ARID1B: variants seen among roughly 807,000 people sequenced by gnomAD.
ARID1B encodes AT-rich interactive domain-containing protein 1B.
ARID1B carries 30 observed loss-of-function variants against 212.3 expected under a neutral mutation model. The observed-to-expected ratio is 0.14, with a 90% CI of 0.11 to 0.19. ARID1B has a LOEUF of 0.19. ARID1B is among the 10% of genes least tolerant of loss of function. ARID1B has a pLI of 1.00. For synonymous variants in ARID1B, 1,402 were observed against 1,301.7 expected (o/e 1.08, Z -1.66); for missense variants, 2,891 against 3,204.0 (o/e 0.90, Z 2.36).
chr6:156,927,178 C>G (rs1791294091), intron 3 of ARID1B, among the ~76,000 whole-genome samples: 1 of 152,162 alleles, frequency 6.6e-6, no homozygotes, highest in Non-Finnish European at 1.5e-5. Flanking sequence ...TAGTTTGAAT[C>G]AGGATCCAAA....
intron 2 of ARID1B, among the ~76,000 whole-genome samples, chr6:156,861,206 T>C (rs1785310816): frequency 6.6e-6 from 1 of 152,184 alleles, no homozygotes; most frequent in Non-Finnish European, 1.5e-5. Context: ...ACAGGCATGT[T>C]CTTGACAGGG....
chr6:157,155,816 G>T (rs146992953), intron 8 of ARID1B, among the ~76,000 whole-genome samples: 4,299 of 152,206 alleles, frequency 0.028, 81 homozygotes, highest in Admixed American at 0.038. Flanking sequence ...GCCTTCCTCT[G>T]CTTGGAAGAA....
rs2128462878 is a variant in ARID1B, at chr6:157,084,803, C to T, written c.2389C>T (p.His797Tyr). ...GCCTTTCTCCCCACATGCGTCCCCT[C>T]ATCTCTCCAGCATCCCGGGGGGCCC... is the stretch of plus-strand genomic sequence containing the variant. ...QSPFSPHASP[H>Y]LSSIPGGPSP... Residue 797 changes from histidine (H) to tyrosine (Y), a missense_variant, in exon 5 of 20, where the codon CAT (histidine) becomes TAT (tyrosine). By Grantham distance (83) the His-to-Tyr change is moderately conservative (BLOSUM62 2). Transcript: ENST00000636930. 1 of 1,614,148 alleles carries T rather than the reference C, an allele frequency of 6.2e-7. No individual in the cohort carries two copies. The highest frequency in any genetic ancestry group is 1.1e-5 in the South Asian group (1 of 91,072).
At chr6:156,834,960 C>T (rs930156042) in intron 2 of ARID1B, among the ~76,000 whole-genome samples, 3 of 152,120 alleles carry the variant, frequency 2.0e-5, no homozygotes, top group Admixed American at 6.5e-5. Context: ...TTGGGCCGGG[C>T]GCGGTGGCTC....
rs371108171 is a variant in ARID1B, at chr6:156,880,536, C to T, written c.1987-20840C>T. Among the ~76,000 whole-genome samples the T allele has an allele frequency of 4.7e-4, 71 of 151,986 alleles. No individual in the cohort carries two copies. The South Asian group carries it at 9.8e-3, about 21-fold the overall frequency. On this transcript the variant is annotated intron_variant, in intron 2 of 19. Coordinates refer to ENST00000636930, the MANE Select transcript of ARID1B (RefSeq NM_001374828.1). ...GCAGATTAGCTGAGGTCAAGGAGTT[C>T]GAGAACAGCCTGGACAACATGGCGA...
chr6:156,941,463 A>G (rs1225162101), intron 4 of ARID1B: 1 of 152,234 alleles, frequency 6.6e-6, no homozygotes, highest in Non-Finnish European at 1.5e-5. Context: ...GGTCTGTTCT[A>G]TCTGGAGATA....
chr6:156,999,526 T>C (rs1005808161), intron 4 of ARID1B, among the ~76,000 whole-genome samples: 1 of 152,198 alleles, frequency 6.6e-6, no homozygotes, highest in African/African-American at 2.4e-5. Context: ...GTTCAAGACA[T>C]TGTCACTCTC....
rs761978936 is a variant in ARID1B, at chr6:156,873,812, G to A, written c.1987-27564G>A. Among the ~76,000 whole-genome samples, 27 of 152,282 alleles carry A rather than the reference G, an allele frequency of 1.8e-4. No homozygotes were observed. The South Asian group carries it at 3.7e-3, about 21-fold the overall frequency. The stretch of plus-strand genomic sequence containing the variant: ...TAACTTCAGGCGTCTGATGAGTGGC[G>A]TCCTTTAGAAGGCTCTCTCCTGGAT... On this transcript the variant is annotated intron_variant, in intron 2 of 19. Transcript: ENST00000636930.
intron 5 of ARID1B, among the ~76,000 whole-genome samples, chr6:157,092,625 T>G (rs1785349818): frequency 6.6e-6 from 1 of 152,260 alleles, no homozygotes; most frequent in Non-Finnish European, 1.5e-5. Flanking sequence ...TTTTCTCCTC[T>G]TCTTTCTCCC....
intron 2 of ARID1B, among the ~76,000 whole-genome samples, chr6:156,849,054 A>G (rs1583156734): frequency 6.6e-6 from 1 of 152,226 alleles, no homozygotes; most frequent in African/African-American, 2.4e-5. Flanking sequence ...TCCTGGAGAA[A>G]CATATTTATT....
chr6:157,193,966 T>G (rs1315283686), intron 15 of ARID1B: 3 of 152,226 alleles, frequency 2.0e-5, no homozygotes, highest in African/African-American at 7.2e-5. Flanking sequence ...TGTGAGAGTG[T>G]GCGGGTTCTC....
intron 8 of ARID1B, among the ~76,000 whole-genome samples, chr6:157,153,545 A>G (rs760415806): frequency 3.9e-5 from 6 of 152,316 alleles, no homozygotes; most frequent in Non-Finnish European, 7.4e-5. Flanking sequence ...CCATCTGTAG[A>G]TCAGTTCTCG....
intron 2 of ARID1B, among the ~76,000 whole-genome samples, chr6:156,888,807 A>G (rs773416058): frequency 3.9e-5 from 6 of 152,190 alleles, no homozygotes; most frequent in Non-Finnish European, 7.3e-5. Flanking sequence ...CACGTATCCT[A>G]TGACCTTCAC....
intron 1 of ARID1B, among the ~76,000 whole-genome samples, chr6:156,819,947 TGGG>T (rs151276933): frequency 0.018 from 2,754 of 152,102 alleles, 39 homozygotes; most frequent in Non-Finnish European, 0.031. Context: ...CTGGCAGAGA[TGGG>T]GGGTCCCACA....
chr6:156,975,167 A>G (rs1336710219), intron 4 of ARID1B, among the ~76,000 whole-genome samples: 1 of 152,236 alleles, frequency 6.6e-6, no homozygotes, highest in Non-Finnish European at 1.5e-5. Context: ...CCTCACCAGC[A>G]CTTATCTTTT....
chr6:156,824,393 C>T (rs1396320155), intron 1 of ARID1B, among the ~76,000 whole-genome samples: 2 of 152,060 alleles, frequency 1.3e-5, no homozygotes, highest in Non-Finnish European at 2.9e-5. Flanking sequence ...GGGCTGTTTT[C>T]GATGTGGATG....
intron 4 of ARID1B, among the ~76,000 whole-genome samples, chr6:157,068,809 A>G (rs1212757182): frequency 1.3e-5 from 2 of 152,242 alleles, no homozygotes; most frequent in African/African-American, 2.4e-5. Flanking sequence ...GGATGCAGCT[A>G]TCAATATCTG....
chr6:157,152,648 C>T (rs983386046), intron 8 of ARID1B, among the ~76,000 whole-genome samples: 8 of 152,132 alleles, frequency 5.3e-5, no homozygotes, highest in African/African-American at 1.9e-4. Context: ...TCTGAGAAAA[C>T]ATGTGTATGA....
chr6:156,861,733 C>G (rs915982732), intron 2 of ARID1B, among the ~76,000 whole-genome samples: 1 of 152,126 alleles, frequency 6.6e-6, no homozygotes, highest in East Asian at 1.9e-4. Context: ...GAAATGGGAG[C>G]CCTTTCTCTT....
Sources: allele counts gnomAD v4.1 joint callset (sites outside exome capture counted in the v4.1 genomes callset), GRCh38; gene constraint gnomAD v4.1.1; transcripts MANE v1.5; gene names NCBI Gene and HGNC (gene_info 2026-07-23, HGNC 2026-07-21).